Variants in STPG1 observed in about 807,000 individuals in gnomAD.
STPG1 encodes O(6)-methylguanine-induced apoptosis 2.
In STPG1, 33 loss-of-function variants were observed where a neutral mutation model predicts 40.1. The ratio of observed to expected loss-of-function variants is 0.82; its 90% CI spans 0.62 to 1.10. The LOEUF (loss-of-function observed/expected upper bound fraction) is 1.10. Among genes scored for constraint, STPG1 ranks in the 50% least tolerant of loss-of-function variants. STPG1 has a pLI of 0.00. For synonymous variants in STPG1, 150 were observed against 155.0 expected, an observed-to-expected ratio of 0.97 and a Z score of 0.24; for missense variants, 396 against 415.1, an observed-to-expected ratio of 0.95 and a Z score of 0.40.
chr1:24,375,381 T>C (rs1343186701), intron 5 of STPG1, among the ~76,000 whole-genome samples: 1 of 152,134 alleles, frequency 6.6e-6, no homozygotes, highest in Admixed American at 6.5e-5. Flanking sequence ...GATACTCCTT[T>C]GTCAAAAAAA....
chr1:24,360,901 T>G lies in STPG1; in HGVS notation c.878A>C (p.Asn293Thr). 6.2e-7 allele frequency: 1 copy of G among 1,613,800 alleles called. No individual in the cohort carries two copies. Among genetic ancestry groups the G allele is most frequent in the Middle Eastern group, 1.7e-4 (1 of 6,060 alleles). The change falls in exon 8 of 9, where the codon AAT becomes ACT. Residue 293 changes from asparagine to threonine, a missense_variant. By Grantham distance (65) the Asn-to-Thr change is moderately conservative. Coordinates refer to ENST00000337248, the MANE Select transcript of STPG1 (RefSeq NM_001199013.2). The stretch of plus-strand genomic sequence containing the variant: ...CGGCGCCGCTGTCCACCGGCTGGTA[T>G]TGGACACGAATGATGCACTAGAGAT... ...HFISSASFVS[N>T]TSRWTAAPPQ...
chr1:24,359,348 T>TAGAGCAGGGTC lies in STPG1; in HGVS notation c.929-740_929-730dup, dbSNP rs1553119389. Reference sequence around the variant, plus strand: ...CGGGCAATGCTTCCAGAGGATGTGGTAGAGCAGGGTCAAAGCAGGATCCCT... The same window carrying TAGAGCAGGGTC: ...CGGGCAATGCTTCCAGAGGATGTGGTAGAGCAGGGTCAGAGCAGGGTCAAAGCAGGATCCCT... On this transcript the variant is annotated intron_variant, in intron 8 of 8. Transcript: ENST00000337248. This position sits in a 1 kb window ranked among gnomAD's most constrained non-coding sequence, Gnocchi z 5.3. Among the ~76,000 whole-genome samples the TAGAGCAGGGTC allele has an allele frequency of 6.6e-6, 1 of 152,224 alleles. No homozygotes were observed. The highest frequency in any genetic ancestry group is 1.5e-5 in the Non-Finnish European group (1 of 68,036).
At chr1:24,373,987 C>T (rs1428610346) in intron 5 of STPG1, among the ~76,000 whole-genome samples, 177 bp from the exon 6 acceptor site, 1 of 152,174 alleles carries the variant, frequency 6.6e-6, no homozygotes, top group African/African-American at 2.4e-5. Flanking sequence ...CCTGTCATCC[C>T]AGCTCAAGTG....
chr1:24,369,971 G>T, intron 6 of STPG1, 132 bp from the exon 7 acceptor site: 2 of 657,008 alleles, frequency 3.0e-6, no homozygotes, highest in Non-Finnish European at 4.9e-6. Context: ...TGGAAGGGCT[G>T]ACTGAGATAG....
At chr1:24,384,041 C>A (rs1244477167) in intron 3 of STPG1, 38 bp from the exon 4 acceptor site, 1 of 1,287,538 alleles carries the variant, frequency 7.8e-7, no homozygotes, top group African/African-American at 1.5e-5. Context: ...CGAGATACTT[C>A]AATTCCATTG....
chr1:24,369,553 C>T, intron 7 of STPG1, 121 bp downstream of exon 7: 2 of 1,050,988 alleles, frequency 1.9e-6, no homozygotes, highest in Non-Finnish European at 2.8e-6. Flanking sequence ...ACTAAGGGCC[C>T]CTGAAGAGAG....
chr1:24,381,830 G>A (rs1169700617), intron 4 of STPG1, among the ~76,000 whole-genome samples: 1 of 152,174 alleles, frequency 6.6e-6, no homozygotes, highest in East Asian at 1.9e-4. Flanking sequence ...AGGTGCTAAA[G>A]GTGAAAGTTA....
intron 5 of STPG1, among the ~76,000 whole-genome samples, chr1:24,374,257 G>GTTTTTT (rs1553122570): frequency 3.2e-5 from 2 of 62,122 alleles, no homozygotes; most frequent in African/African-American, 1.7e-4. Flanking sequence ...TTTTTTTTTT[G>GTTTTTT]TTTTTTTTTT....
chr1:24,366,161 C>G (rs1292237442), intron 7 of STPG1, among the ~76,000 whole-genome samples: 1 of 152,156 alleles, frequency 6.6e-6, no homozygotes, highest in Non-Finnish European at 1.5e-5. Flanking sequence ...CAACTCCAAC[C>G]CAAGACAGAT....
At chr1:24,400,741 T>C (rs1322641386) in intron 2 of STPG1, among the ~76,000 whole-genome samples, 4 of 152,150 alleles carry the variant, frequency 2.6e-5, no homozygotes, top group African/African-American at 4.8e-5. Context: ...AGAACACTAG[T>C]TGGCGAACAC....
chr1:24,384,524 C>G (rs905835723), intron 3 of STPG1, among the ~76,000 whole-genome samples: 1 of 152,204 alleles, frequency 6.6e-6, no homozygotes, highest in Non-Finnish European at 1.5e-5. Flanking sequence ...CCATTTCTAA[C>G]TCTCAGACAA....
chr1:24,366,279 T>C (rs963963347), intron 7 of STPG1, among the ~76,000 whole-genome samples: 7 of 152,162 alleles, frequency 4.6e-5, no homozygotes, highest in Non-Finnish European at 1.0e-4. Context: ...GGATTAGTTC[T>C]GATGTGGACA....
rs376523924 is a variant in STPG1, at chr1:24,360,804, G to A, written c.928+47C>T. The A allele has an allele frequency of 2.6e-5, 39 of 1,518,762 alleles. No individual in the cohort carries two copies. In the African/African-American group the frequency reaches 4.4e-4, roughly 17 times the overall value. The allele number at this position is 1,518,762 out of a possible 1,614,324, so 94.1% of individuals were successfully genotyped here. On this transcript the variant is annotated intron_variant, in intron 8 of 8. Transcript: ENST00000337248. ...TTTGATGACCCAAGAATGACAAACA[G>A]TTCCAGAAGATTTGGTTTTTACAAT...
chr1:24,392,278 G>C (rs1642805287), intron 2 of STPG1, among the ~76,000 whole-genome samples: 1 of 152,236 alleles, frequency 6.6e-6, no homozygotes, highest in Non-Finnish European at 1.5e-5. Flanking sequence ...ATGTATACAT[G>C]CATGTCTGAT....
In STPG1 at chr1:24,357,255, G is replaced by A. The variant is rs1000024751; in HGVS notation, c.*1288C>T. ...ACCCTTGATGTCAGAACGAGGTGAT[G>A]TGTGAAGGTTAAATGACAGAGGAGT... is the stretch of plus-strand genomic sequence containing the variant. On this transcript the variant is annotated 3_prime_UTR_variant, in exon 9 of 9. Transcript: ENST00000337248. 6.6e-6 allele frequency: 1 copy of A among 152,254 alleles called. No homozygotes were observed. Among genetic ancestry groups the A allele is most frequent in the African/African-American group, 2.4e-5 (1 of 41,464 alleles). 9.4% of individuals were successfully genotyped at this position (152,254 alleles called of 1,614,324 possible). A position where few individuals can be genotyped will look rare whatever the true frequency, so the allele number is the denominator to read the frequency against.
chr1:24,369,175 A>G (rs2148684858), intron 7 of STPG1: 1 of 363,872 alleles, frequency 2.7e-6, no homozygotes, highest in Admixed American at 4.1e-5. Flanking sequence ...CTCGAAAGTC[A>G]GGGCTTAAAC....
intron 2 of STPG1, among the ~76,000 whole-genome samples, chr1:24,397,455 A>G (rs1643052721): frequency 6.6e-6 from 1 of 152,142 alleles, no homozygotes; most frequent in Non-Finnish European, 1.5e-5. Context: ...CCAAAACTAT[A>G]TGGCATCATT....
chr1:24,410,172 T>C (rs1643560789), intron 1 of STPG1, among the ~76,000 whole-genome samples: 1 of 152,222 alleles, frequency 6.6e-6, no homozygotes, highest in Non-Finnish European at 1.5e-5. Flanking sequence ...GTAATCAGTT[T>C]GGGTATTATC....
In STPG1 at chr1:24,373,711, G is replaced by A. The variant is rs1429729057; in HGVS notation, c.562C>T (p.Pro188Ser). The A allele has an allele frequency of 6.2e-7, 1 of 1,608,820 alleles. No individual in the cohort carries two copies. Among genetic ancestry groups the A allele is most frequent in the Non-Finnish European group, 8.5e-7 (1 of 1,175,446 alleles). Residue 188 changes from proline to serine, a missense_variant, in exon 6 of 9, where the codon CCT (proline) becomes TCT (serine). Physicochemically the swap from Pro to Ser is moderately conservative, Grantham distance 74. Coordinates refer to ENST00000337248, the MANE Select transcript of STPG1 (RefSeq NM_001199013.2). ...CAAAGCAGCTGCTTACCTGGGGGAGGTCCTTTATCAGCAAAAGCGAAAGAT... is the reference window on the plus strand; with the variant it reads ...CAAAGCAGCTGCTTACCTGGGGGAGATCCTTTATCAGCAAAAGCGAAAGAT... The part of the protein sequence containing the change: ...RGSFAFADKG[P>S]PPGHYDINES...
Sources: gnomAD v4.1 joint callset for allele counts (sites outside exome capture counted in the v4.1 genomes callset) on GRCh38, gnomAD v4.1.1 for gene constraint, Gnocchi (gnomAD v3.1) non-coding constraint, MANE v1.5 for transcripts, NCBI Gene and HGNC (gene_info 2026-07-23, HGNC 2026-07-21) for gene names.